Variants in EPHA6 observed in about 807,000 individuals in gnomAD.
EPHA6 encodes the protein EPH receptor A6, also known as ephrin type-A receptor 6.
In EPHA6, 50 loss-of-function variants were observed where a neutral mutation model predicts 112.0. The ratio of observed to expected loss-of-function variants is 0.45; its 90% CI spans 0.36 to 0.56. The LOEUF (loss-of-function observed/expected upper bound fraction) is 0.56, where lower values mean the gene tolerates loss of function less well. Among genes scored for constraint, EPHA6 ranks in the 20% least tolerant of loss-of-function variants. EPHA6 has a pLI of 0.00. For missense variants in EPHA6, 1,280 were observed against 1,417.4 expected, an observed-to-expected ratio of 0.90 and a Z score of 1.56; for synonymous variants, 529 against 490.7, an observed-to-expected ratio of 1.08 and a Z score of -1.03.
chr3:97,575,730 G>A (rs984129777), intron 11 of EPHA6, among the ~76,000 whole-genome samples: 1 of 152,072 alleles, frequency 6.6e-6, no homozygotes, highest in Non-Finnish European at 1.5e-5. Context: ...AGGCACATTC[G>A]CATTTTAGAA....
chr3:97,506,295 C>A (rs549107435), intron 10 of EPHA6, among the ~76,000 whole-genome samples: 237 of 152,226 alleles, frequency 1.6e-3, no homozygotes, highest in African/African-American at 5.4e-3. Flanking sequence ...AGGTTTTCTT[C>A]TAGAGTTTTT....
intron 3 of EPHA6, among the ~76,000 whole-genome samples, chr3:97,016,541 A>T (rs1317875527): frequency 6.6e-6 from 1 of 152,222 alleles, no homozygotes; most frequent in African/African-American, 2.4e-5. Flanking sequence ...ACCAAATGAG[A>T]CTTATTTATA....
At chr3:97,437,768 C>T (rs1404280966) in intron 6 of EPHA6, among the ~76,000 whole-genome samples, 1 of 152,084 alleles carries the variant, frequency 6.6e-6, no homozygotes, top group Non-Finnish European at 1.5e-5. Context: ...TCCCAAGGTG[C>T]TGGGATTACA....
chr3:97,419,230 G>T (rs1238065973), intron 6 of EPHA6, among the ~76,000 whole-genome samples: 3 of 152,082 alleles, frequency 2.0e-5, no homozygotes, highest in Non-Finnish European at 2.9e-5. Context: ...CTGAACCCAG[G>T]AGGTGGAAGT....
chr3:97,421,101 T>G (rs2088586912), intron 6 of EPHA6, among the ~76,000 whole-genome samples: 1 of 152,066 alleles, frequency 6.6e-6, no homozygotes, highest in Non-Finnish European at 1.5e-5. Context: ...TGAGGAAATA[T>G]TACACTACTT....
chr3:97,432,997 T>C (rs2089608450), intron 6 of EPHA6, among the ~76,000 whole-genome samples: 1 of 152,108 alleles, frequency 6.6e-6, no homozygotes, highest in Admixed American at 6.6e-5. Flanking sequence ...ATATAGAAGA[T>C]CCTGTTAGAA....
chr3:97,251,506 C>T (rs1040128629), intron 5 of EPHA6, among the ~76,000 whole-genome samples: 2 of 151,622 alleles, frequency 1.3e-5, no homozygotes, highest in East Asian at 2.0e-4. Context: ...CTCCAGCCGA[C>T]GACAGAGGGA....
At chr3:96,858,801 T>G (rs554951062) in intron 1 of EPHA6, among the ~76,000 whole-genome samples, 1 of 152,172 alleles carries the variant, frequency 6.6e-6, no homozygotes, top group South Asian at 2.1e-4. Flanking sequence ...AGTCAGTGCT[T>G]CAGGGGTTGG....
chr3:97,117,878 A>C (rs1392535951), intron 3 of EPHA6, among the ~76,000 whole-genome samples: 1 of 151,820 alleles, frequency 6.6e-6, no homozygotes, highest in African/African-American at 2.4e-5. Context: ...ACAAATCAAA[A>C]TATATTTCTT....
intron 3 of EPHA6, among the ~76,000 whole-genome samples, chr3:97,012,757 C>A (rs1017164561): frequency 6.6e-6 from 1 of 151,102 alleles, no homozygotes; most frequent in Non-Finnish European, 1.5e-5. Flanking sequence ...CCACACTGGA[C>A]TTACTATTTT....
chr3:97,496,373 T>C (rs2091978521), intron 10 of EPHA6, among the ~76,000 whole-genome samples: 1 of 152,184 alleles, frequency 6.6e-6, no homozygotes, highest in Admixed American at 6.5e-5. Context: ...ATTATTTCTT[T>C]TATCATCACA....
intron 3 of EPHA6, among the ~76,000 whole-genome samples, chr3:97,157,188 CAT>C (rs1350645762): frequency 6.6e-6 from 1 of 152,146 alleles, no homozygotes; most frequent in Non-Finnish European, 1.5e-5. Flanking sequence ...TTGTCACAAA[CAT>C]GTCACCATGA....
chr3:97,361,518 C>A (rs192104345), intron 5 of EPHA6, among the ~76,000 whole-genome samples: 30 of 152,178 alleles, frequency 2.0e-4, no homozygotes, highest in Admixed American at 1.8e-3. Flanking sequence ...GAATTTATTT[C>A]TTACAGTTAT....
chr3:97,525,092 C>T (rs1262591925), intron 10 of EPHA6, among the ~76,000 whole-genome samples: 1 of 152,130 alleles, frequency 6.6e-6, no homozygotes, highest in Non-Finnish European at 1.5e-5. Context: ...TAATGTATCT[C>T]TGTCTCGCTT....
rs981125951 is a variant in EPHA6 at position 96,972,439 on chromosome 3, A to T, written c.451-14891A>T. ...CACACACACAAACACACACACACAC[A>T]CACACACACACACACACACACACGT... On this transcript the variant is annotated intron_variant, in intron 2 of 17. Coordinates refer to ENST00000389672, the MANE Select transcript of EPHA6 (RefSeq NM_001080448.3). Among the ~76,000 whole-genome samples the T allele has an allele frequency of 3.0e-3, 441 of 147,774 alleles. 3 individuals are homozygous for T. Among genetic ancestry groups the T allele is most frequent in the African/African-American group, 9.5e-3 (392 of 41,092 alleles).
intron 3 of EPHA6, among the ~76,000 whole-genome samples, chr3:97,214,038 T>TGTGTGAGA (rs1491420279): frequency 2.6e-3 from 199 of 77,824 alleles, no homozygotes; most frequent in African/African-American, 6.2e-3. Flanking sequence ...TGTGTGTGTG[T>TGTGTGAGA]GAGAGAGAGA....
chr3:97,340,565 T>G (rs367889398), intron 5 of EPHA6, among the ~76,000 whole-genome samples: 2 of 152,294 alleles, frequency 1.3e-5, no homozygotes, highest in Admixed American at 6.5e-5. Context: ...GGTGTTTCCC[T>G]TATGTATTAG....
intron 13 of EPHA6, among the ~76,000 whole-genome samples, chr3:97,632,796 G>GTCTT (rs2107540126): frequency 6.6e-6 from 1 of 152,208 alleles, no homozygotes; most frequent in African/African-American, 2.4e-5. Context: ...CAAGGGTCAG[G>GTCTT]TCTTTGTATT....
chr3:97,442,008 A>G (rs1159224366), intron 6 of EPHA6, among the ~76,000 whole-genome samples: 1 of 152,170 alleles, frequency 6.6e-6, no homozygotes, highest in Non-Finnish European at 1.5e-5. Flanking sequence ...ATACTTTATG[A>G]TTTGGCTAGA....
Sources: allele counts gnomAD v4.1 joint callset (sites outside exome capture counted in the v4.1 genomes callset), GRCh38; gene constraint gnomAD v4.1.1; transcripts MANE v1.5; gene names NCBI Gene and HGNC (gene_info 2026-07-23, HGNC 2026-07-21).